The following GRID2 variants were observed in gnomAD, a reference collection of about 807,000 sequenced individuals.
GRID2 encodes the protein glutamate receptor ionotropic, delta-2.
GRID2 carries 33 observed loss-of-function variants against 114.8 expected under a neutral mutation model. That is an observed-to-expected ratio of 0.29 (90% CI 0.22 to 0.38). The LOEUF is 0.38. Ranked by LOEUF, GRID2 falls within the 10% of genes least tolerant of loss-of-function variation. The pLI, the probability that GRID2 is intolerant of heterozygous loss-of-function variation, is 1.00. For synonymous variants in GRID2, 505 were observed against 449.9 expected (o/e 1.12, Z -1.55); for missense variants, 1,184 against 1,257.7 (o/e 0.94, Z 0.89).
At position 93,088,395 on chromosome 4, in the gene GRID2, A is replaced by G. The variant is rs2149326077; in HGVS notation, c.529+3116A>G. 2.6e-5 allele frequency among the ~76,000 whole-genome samples: 4 copies of G among 152,316 alleles called. No individual in the cohort carries two copies. In the Middle Eastern group the frequency reaches 0.014, roughly 518 times the overall value. On this transcript the variant is annotated intron_variant, in intron 3 of 15. Coordinates refer to ENST00000282020, the MANE Select transcript of GRID2 (RefSeq NM_001510.4). ...CAATGCAAACTATGAGATAAAAAGT[A>G]TTACAAAACATAGTCTTAGTCTTTA...
rs1282591728 is a variant in GRID2, at chr4:93,110,907, C to T, written c.689C>T (p.Ala230Val). The change falls in exon 4 of 16, where the codon GCG becomes GTG. Residue 230 changes from alanine (A) to valine (V), a missense_variant. Coordinates refer to ENST00000282020, the MANE Select transcript of GRID2 (RefSeq NM_001510.4). ...LNRYRDTLRR[A>V]ILVMNPATAK... is the part of the protein sequence containing the mutation. Reference sequence around the variant, plus strand: ...CGCTATCGAGACACTCTTAGGCGAGCGATCCTTGTTATGAATCCTGCTACA... The same window carrying T: ...CGCTATCGAGACACTCTTAGGCGAGTGATCCTTGTTATGAATCCTGCTACA... 12 of 1,612,810 alleles carry T rather than the reference C, an allele frequency of 7.4e-6. No homozygotes were observed. The highest frequency in any genetic ancestry group is 2.2e-5 in the East Asian group (1 of 44,848).
intron 11 of GRID2, among the ~76,000 whole-genome samples, chr4:93,458,777 C>A (rs1347215914): frequency 2.0e-5 from 3 of 152,032 alleles, no homozygotes; most frequent in Non-Finnish European, 4.4e-5. Context: ...GATAACAAGA[C>A]AAATGATTGT....
intron 1 of GRID2, among the ~76,000 whole-genome samples, chr4:92,395,606 G>A (rs960295885): frequency 5.9e-5 from 9 of 151,566 alleles, no homozygotes; most frequent in Non-Finnish European, 8.9e-5. Flanking sequence ...CTCTTGCCCC[G>A]ATATATTTAT....
chr4:92,458,913 C>A (rs1286135826), intron 1 of GRID2, among the ~76,000 whole-genome samples: 1 of 152,174 alleles, frequency 6.6e-6, no homozygotes, highest in Admixed American at 6.6e-5. Context: ...AGACTTCATT[C>A]TTCCATGCTC....
chr4:93,136,946 A>C (rs1423836613), intron 4 of GRID2, among the ~76,000 whole-genome samples: 2 of 152,210 alleles, frequency 1.3e-5, no homozygotes, highest in Non-Finnish European at 2.9e-5. Flanking sequence ...ATTCATAAGC[A>C]AGAAAAATGT....
chr4:92,814,564 A>G (rs1454035617), intron 2 of GRID2, among the ~76,000 whole-genome samples: 1 of 152,124 alleles, frequency 6.6e-6, no homozygotes, highest in African/African-American at 2.4e-5. Context: ...TAAGTCACCC[A>G]TAGGGAGGAT....
At chr4:93,213,601 T>C (rs1026962333) in intron 5 of GRID2, among the ~76,000 whole-genome samples, 3 of 152,146 alleles carry the variant, frequency 2.0e-5, no homozygotes, top group African/African-American at 7.2e-5. Context: ...AAACTATTCC[T>C]CTGAAATTGT....
chr4:92,481,217 A>G (rs578212339), intron 1 of GRID2, among the ~76,000 whole-genome samples: 1 of 152,290 alleles, frequency 6.6e-6, no homozygotes, highest in South Asian at 2.1e-4. Context: ...CTTTAATTTC[A>G]TATACCTTTA....
chr4:93,030,463 C>T (rs1724302375), intron 2 of GRID2, among the ~76,000 whole-genome samples: 1 of 151,598 alleles, frequency 6.6e-6, no homozygotes, highest in Non-Finnish European at 1.5e-5. Context: ...CAGCTCACTG[C>T]AACCTCTCCC....
chr4:92,955,349 C>A (rs1013831504), intron 2 of GRID2, among the ~76,000 whole-genome samples: 1 of 152,084 alleles, frequency 6.6e-6, no homozygotes, highest in African/African-American at 2.4e-5. Context: ...ATTTGATTTG[C>A]ATTTCTCTGA....
intron 2 of GRID2, among the ~76,000 whole-genome samples, chr4:92,870,295 TTCTC>T (rs978868748): frequency 6.7e-6 from 1 of 149,322 alleles, no homozygotes; most frequent in South Asian, 2.1e-4. Flanking sequence ...CACACACACT[TTCTC>T]TCTCTCTCTC....
intron 2 of GRID2, among the ~76,000 whole-genome samples, chr4:92,900,430 G>GTT (rs1747482549): frequency 6.6e-6 from 1 of 152,118 alleles, no homozygotes; most frequent in African/African-American, 2.4e-5. Context: ...CCCACCCAGT[G>GTT]TTTGCTATTT....
At chr4:93,748,759 G>A (rs1044913225) in intron 14 of GRID2, among the ~76,000 whole-genome samples, 8 of 151,412 alleles carry the variant, frequency 5.3e-5, no homozygotes, top group Middle Eastern at 7.0e-3. Context: ...GGCATGATAT[G>A]AAGCCTGACA....
chr4:92,468,260 A>G (rs1668249710), intron 1 of GRID2, among the ~76,000 whole-genome samples: 1 of 151,928 alleles, frequency 6.6e-6, no homozygotes, highest in Non-Finnish European at 1.5e-5. Flanking sequence ...CACCCTGACT[A>G]GGTGTTTTTA....
intron 11 of GRID2, among the ~76,000 whole-genome samples, chr4:93,465,813 A>G (rs915326480): frequency 3.9e-5 from 6 of 152,240 alleles, no homozygotes; most frequent in East Asian, 3.8e-4. Flanking sequence ...TGTTTATAGT[A>G]AAAGCCATAT....
intron 2 of GRID2, among the ~76,000 whole-genome samples, chr4:93,077,011 A>G (rs1729390435): frequency 6.6e-6 from 1 of 152,172 alleles, no homozygotes; most frequent in Non-Finnish European, 1.5e-5. Context: ...CCTTTAAAAC[A>G]TGGGAATGAC....
At chr4:92,428,204 G>C (rs1732254348) in intron 1 of GRID2, among the ~76,000 whole-genome samples, 1 of 152,096 alleles carries the variant, frequency 6.6e-6, no homozygotes, top group African/African-American at 2.4e-5. Context: ...GGAGCTTGCA[G>C]TGAGCTGAGA....
chr4:92,411,599 T>G (rs1273321497), intron 1 of GRID2, among the ~76,000 whole-genome samples: 4 of 146,770 alleles, frequency 2.7e-5, no homozygotes, highest in African/African-American at 1.0e-4. Context: ...AGAATAAATT[T>G]GTGCATTATA....
At chr4:92,309,245 G>A (rs1441701753) in intron 1 of GRID2, among the ~76,000 whole-genome samples, 1 of 151,804 alleles carries the variant, frequency 6.6e-6, no homozygotes, top group Non-Finnish European at 1.5e-5. Flanking sequence ...TTTATCATAT[G>A]GTAATTTTAT....
Sources: gnomAD v4.1 joint callset for allele counts (sites outside exome capture counted in the v4.1 genomes callset) on GRCh38, gnomAD v4.1.1 for gene constraint, MANE v1.5 for transcripts, NCBI Gene and HGNC (gene_info 2026-07-23, HGNC 2026-07-21) for gene names.